Variants in SRFBP1 observed in about 807,000 individuals in gnomAD.
SRFBP1 encodes serum response factor-binding protein 1.
SRFBP1 carries 47 observed loss-of-function variants against 45.5 expected under a neutral mutation model. That is an observed-to-expected ratio of 1.03 (90% CI 0.82 to 1.32). SRFBP1 has a LOEUF of 1.32. Among genes scored for constraint, SRFBP1 ranks in the 40% most tolerant of loss-of-function variants. SRFBP1 has a pLI of 0.00. For synonymous variants in SRFBP1, 203 were observed against 166.3 expected (o/e 1.22, Z -1.70); for missense variants, 621 against 484.6 (o/e 1.28, Z -2.64).
chr5:122,024,990 T>C (rs1191719296), intron 7 of SRFBP1, among the ~76,000 whole-genome samples: 1 of 152,184 alleles, frequency 6.6e-6, no homozygotes, highest in Non-Finnish European at 1.5e-5. Flanking sequence ...CTTTAAGTTT[T>C]AGAGTACATG....
At chr5:122,046,294 G>A (rs966955111) in intron 2 of SRFBP1, among the ~76,000 whole-genome samples, 1 of 152,038 alleles carries the variant, frequency 6.6e-6, no homozygotes, top group African/African-American at 2.4e-5. Flanking sequence ...AGAACAGGCG[G>A]TGTTTGGTTT....
chr5:122,077,383 G>C (rs1244883890), downstream of SRFBP1: 1 of 1,613,876 alleles, frequency 6.2e-7, no homozygotes. This position sits in a 1 kb window ranked among gnomAD's most constrained non-coding sequence, Gnocchi z 4.9. Flanking sequence ...TGCCGTATCC[G>C]GGCCGGTACC....
intron 2 of SRFBP1, among the ~76,000 whole-genome samples, chr5:122,062,984 C>G (rs1186688171): frequency 6.6e-6 from 1 of 151,886 alleles, no homozygotes; most frequent in Non-Finnish European, 1.5e-5. Flanking sequence ...GTAGCTGGTA[C>G]TGGTGATAAA....
chr5:121,997,902 A>G lies in SRFBP1; in HGVS notation c.270+3232A>G, dbSNP rs1303750142. Among the ~76,000 whole-genome samples, 169 of 149,450 alleles carry G rather than the reference A, an allele frequency of 1.1e-3. 1 individual carries two copies. The highest frequency in any genetic ancestry group is 3.8e-3 in the African/African-American group (157 of 40,914). ...AAAGAAGACATTTATGCAGCCAAAA[A>G]ACACATGAAAAAATGCTCATCATCA... On this transcript the variant is annotated intron_variant, in intron 4 of 7. Coordinates refer to ENST00000339397, the MANE Select transcript of SRFBP1 (RefSeq NM_152546.3).
At chr5:121,989,189 G>C (rs1752576721) in intron 3 of SRFBP1, among the ~76,000 whole-genome samples, 1 of 152,008 alleles carries the variant, frequency 6.6e-6, no homozygotes, top group Non-Finnish European at 1.5e-5. Context: ...TCAGCCTCCT[G>C]AGTAGCTGGG....
Position 121,983,661 on chromosome 5 carries a change from A to G in SRFBP1, c.198+8274A>G, listed in dbSNP as rs765985752. Among the ~76,000 whole-genome samples, 122 of 151,752 alleles carry G rather than the reference A, an allele frequency of 8.0e-4. 2 individuals are homozygous for G. Among genetic ancestry groups the G allele is most frequent in the Non-Finnish European group, 2.4e-4 (16 of 67,690 alleles). ...TGTTCACTGAAACAATTATTTTTAT[A>G]TATTGATGAAAATAATTTATAGGCG... On this transcript the variant is annotated intron_variant, in intron 3 of 7. Coordinates refer to ENST00000339397, the MANE Select transcript of SRFBP1 (RefSeq NM_152546.3).
chr5:121,999,265 C>A (rs1190293385), intron 4 of SRFBP1, among the ~76,000 whole-genome samples: 2 of 152,076 alleles, frequency 1.3e-5, no homozygotes, highest in African/African-American at 2.4e-5. Flanking sequence ...AATTTCCAGA[C>A]CGTTAGGGGT....
At chr5:121,997,537 C>T (rs973612889) in intron 4 of SRFBP1, among the ~76,000 whole-genome samples, 15 of 151,724 alleles carry the variant, frequency 9.9e-5, no homozygotes, top group African/African-American at 1.9e-4. Flanking sequence ...AAGATTTAAA[C>T]GTTAGACCTA....
downstream of SRFBP1, among the ~76,000 whole-genome samples, chr5:122,028,844 C>G (rs955693979): frequency 6.6e-6 from 1 of 152,152 alleles, no homozygotes; most frequent in Non-Finnish European, 1.5e-5. Context: ...CTGTCCAAGA[C>G]TTTTTACCTC....
chr5:122,051,067 A>G (rs1366801774), intron 2 of SRFBP1, among the ~76,000 whole-genome samples: 1 of 151,858 alleles, frequency 6.6e-6, no homozygotes, highest in Non-Finnish European at 1.5e-5. Context: ...ATTTTGAGTG[A>G]TTTTCTTAGT....
intron 4 of SRFBP1, among the ~76,000 whole-genome samples, chr5:122,013,063 A>C (rs750636021): frequency 1.3e-4 from 20 of 152,124 alleles, no homozygotes; most frequent in Non-Finnish European, 2.6e-4. Flanking sequence ...TTCCAGATCA[A>C]AAGTCCTGAT....
intron 3 of SRFBP1, 118 bp downstream of exon 3, chr5:121,975,505 G>A (rs1405255673): frequency 1.9e-6 from 2 of 1,053,514 alleles, no homozygotes; most frequent in Non-Finnish European, 1.4e-6. Context: ...AAGACATCTT[G>A]TATCAGTCTG....
At chr5:122,031,078 T>C (rs892618337), downstream of SRFBP1, among the ~76,000 whole-genome samples, 1 of 152,166 alleles carries the variant, frequency 6.6e-6, no homozygotes, top group Non-Finnish European at 1.5e-5. Flanking sequence ...GTATTAAAGG[T>C]GTGCCCCAAC....
chr5:122,058,719 A>G (rs189523240), intron 2 of SRFBP1, among the ~76,000 whole-genome samples: 4 of 152,236 alleles, frequency 2.6e-5, no homozygotes, highest in East Asian at 3.9e-4. Flanking sequence ...TGGGACTGCA[A>G]TGTAGAAATT....
Position 122,027,179 on chromosome 5 carries a change from A to G in SRFBP1, c.*53A>G, listed in dbSNP as rs1753500780. 2 of 1,428,880 alleles carry G rather than the reference A, an allele frequency of 1.4e-6. No individual in the cohort carries two copies. Among genetic ancestry groups the G allele is most frequent in the Non-Finnish European group, 1.9e-6 (2 of 1,043,448 alleles). 88.5% of individuals were successfully genotyped at this position (1,428,880 alleles called of 1,614,324 possible). A position where few individuals can be genotyped will look rare whatever the true frequency, so the allele number is the denominator to read the frequency against. On this transcript the variant is annotated 3_prime_UTR_variant, in exon 8 of 8. Coordinates refer to ENST00000339397, the MANE Select transcript of SRFBP1 (RefSeq NM_152546.3). Reference sequence around the variant, plus strand: ...ATCTAAAAAAAAAAATGTTTTTTTTAAGACAGGATCTCATTCTGTTGCCCA... The same window carrying G: ...ATCTAAAAAAAAAAATGTTTTTTTTGAGACAGGATCTCATTCTGTTGCCCA...
At chr5:122,005,201 G>A (rs890323826) in intron 4 of SRFBP1, among the ~76,000 whole-genome samples, 1 of 152,086 alleles carries the variant, frequency 6.6e-6, no homozygotes, top group Non-Finnish European at 1.5e-5. Context: ...TTTCCTTATT[G>A]ATTTTCTGCC....
At chr5:121,974,173 A>G (rs374964492) in intron 1 of SRFBP1, 23 bp from the exon 2 acceptor site, 3 of 1,565,076 alleles carry the variant, frequency 1.9e-6, no homozygotes, top group African/African-American at 1.4e-5. Context: ...CCTTTCTTCT[A>G]ATTATTGCTT....
chr5:122,060,664 C>T (rs1754155142), intron 2 of SRFBP1, among the ~76,000 whole-genome samples: 1 of 152,100 alleles, frequency 6.6e-6, no homozygotes, highest in Admixed American at 6.6e-5. Context: ...AAGCTGTGTA[C>T]ATATGTAACC....
chr5:121,966,471 G>T (rs1459122266), intron 1 of SRFBP1, among the ~76,000 whole-genome samples: 2 of 152,188 alleles, frequency 1.3e-5, no homozygotes, highest in African/African-American at 2.4e-5. Context: ...TGAAAGCATG[G>T]ATAGCATAAC....
Sources: allele counts gnomAD v4.1 joint callset (sites outside exome capture counted in the v4.1 genomes callset), GRCh38; gene constraint gnomAD v4.1.1; non-coding constraint Gnocchi (gnomAD v3.1); transcripts MANE v1.5; gene names NCBI Gene and HGNC (gene_info 2026-07-23, HGNC 2026-07-21).